Variants in ACAP2 observed in about 807,000 individuals in gnomAD.
ACAP2 encodes ArfGAP with coiled-coil, ankyrin repeat and PH domains 2.
A neutral mutation model predicts 115.8 loss-of-function variants in ACAP2; 39 were observed. That is an observed-to-expected ratio of 0.34 (90% CI 0.26 to 0.44). ACAP2 has a LOEUF of 0.44. Among genes scored for constraint, ACAP2 ranks in the 20% least tolerant of loss-of-function variants. The pLI, the probability that ACAP2 is intolerant of heterozygous loss-of-function variation, is 1.00. For missense variants in ACAP2, 662 were observed against 927.6 expected, an observed-to-expected ratio of 0.71 and a Z score of 3.72; for synonymous variants, 289 against 315.8, an observed-to-expected ratio of 0.92 and a Z score of 0.90.
intron 15 of ACAP2, among the ~76,000 whole-genome samples, chr3:195,298,593 C>T (rs1372412787): frequency 2.6e-5 from 4 of 152,062 alleles, no homozygotes; most frequent in African/African-American, 9.6e-5. Flanking sequence ...CTTTTGAGGT[C>T]CCATTATTTC....
intron 4 of ACAP2, among the ~76,000 whole-genome samples, chr3:195,370,788 TAAAAATACA>T (rs1733076626): frequency 6.6e-6 from 1 of 151,968 alleles, no homozygotes; most frequent in African/African-American, 2.4e-5. Flanking sequence ...TGTCTTATAC[TAAAAATACA>T]AAAAATTAGC....
chr3:195,328,567 G>GA (rs1035891971), intron 8 of ACAP2, among the ~76,000 whole-genome samples: 2 of 152,166 alleles, frequency 1.3e-5, no homozygotes, highest in Non-Finnish European at 2.9e-5. Flanking sequence ...TGGTGCGCTA[G>GA]AAAAATATAC....
At chr3:195,347,013 T>C (rs1242142371) in intron 4 of ACAP2, among the ~76,000 whole-genome samples, 1 of 152,074 alleles carries the variant, frequency 6.6e-6, no homozygotes, top group African/African-American at 2.4e-5. Flanking sequence ...GGGGAGTTGA[T>C]GGAACTGTTG....
intron 1 of ACAP2, among the ~76,000 whole-genome samples, chr3:195,424,735 G>A (rs1714530511): frequency 6.6e-6 from 1 of 151,700 alleles, no homozygotes; most frequent in Admixed American, 6.6e-5. Flanking sequence ...GGGCAACACA[G>A]TGAGATTTCG....
intron 1 of ACAP2, among the ~76,000 whole-genome samples, chr3:195,423,145 T>G (rs551726871): frequency 1.3e-5 from 2 of 152,124 alleles, no homozygotes; most frequent in Admixed American, 1.3e-4. Flanking sequence ...GGTCAAACTT[T>G]CAAATGATTC....
At chr3:195,297,329 T>C in intron 15 of ACAP2, 48 bp from the exon 16 acceptor site, 4 of 1,483,132 alleles carry the variant, frequency 2.7e-6, no homozygotes, top group Non-Finnish European at 3.7e-6. Flanking sequence ...TTAAAGACCT[T>C]AAAATAAGCT....
At chr3:195,424,812 G>C (rs1714537220) in intron 1 of ACAP2, among the ~76,000 whole-genome samples, 1 of 148,294 alleles carries the variant, frequency 6.7e-6, no homozygotes. Flanking sequence ...AGCTATTCAA[G>C]AGGCTGTGGT....
At chr3:195,310,437 C>T (rs1286372368) in intron 10 of ACAP2, among the ~76,000 whole-genome samples, 10 of 152,156 alleles carry the variant, frequency 6.6e-5, no homozygotes, top group African/African-American at 2.4e-4. Flanking sequence ...AATGGTGCAA[C>T]CCTGCCACAT....
At chr3:195,293,428 T>G (rs1392400751) in intron 18 of ACAP2, among the ~76,000 whole-genome samples, 1 of 152,198 alleles carries the variant, frequency 6.6e-6, no homozygotes, top group Non-Finnish European at 1.5e-5. Context: ...GCTGATCTCT[T>G]TCTCCTGATA....
At chr3:195,335,031 C>T (rs918917945) in intron 7 of ACAP2, among the ~76,000 whole-genome samples, 1 of 152,038 alleles carries the variant, frequency 6.6e-6, no homozygotes, top group Non-Finnish European at 1.5e-5. Flanking sequence ...TTTGATAGTC[C>T]ATGAGCTACG....
intron 6 of ACAP2, 47 bp downstream of exon 6, chr3:195,342,424 T>C (rs1444415788): frequency 6.6e-7 from 1 of 1,513,538 alleles, no homozygotes; most frequent in South Asian, 1.3e-5. Context: ...TAACAACCTG[T>C]TTAAGTAAGC....
intron 1 of ACAP2, among the ~76,000 whole-genome samples, chr3:195,401,842 A>G (rs1218776986): frequency 6.6e-6 from 1 of 152,232 alleles, no homozygotes; most frequent in Admixed American, 6.5e-5. Context: ...ACCGTTTTAC[A>G]CAGTATTTCA....
chr3:195,363,622 TACACAC>T (rs546329426), intron 4 of ACAP2, among the ~76,000 whole-genome samples: 5 of 147,056 alleles, frequency 3.4e-5, no homozygotes, highest in Non-Finnish European at 4.5e-5. Context: ...TGAAACCACA[TACACAC>T]ACACACACAC....
intron 22 of ACAP2, among the ~76,000 whole-genome samples, chr3:195,283,954 T>C (rs1287394403): frequency 2.6e-5 from 4 of 152,166 alleles, no homozygotes; most frequent in Admixed American, 6.5e-5. Context: ...AGTTTATGTA[T>C]ATATAAACTC....
At chr3:195,338,779 A>G (rs1354293331) in intron 6 of ACAP2, among the ~76,000 whole-genome samples, 1 of 152,214 alleles carries the variant, frequency 6.6e-6, no homozygotes, top group African/African-American at 2.4e-5. Flanking sequence ...GTTTAAAAAA[A>G]GAATCATTCA....
chr3:195,405,568 C>T (rs1218255770), intron 1 of ACAP2, among the ~76,000 whole-genome samples: 3 of 151,962 alleles, frequency 2.0e-5, no homozygotes, highest in Non-Finnish European at 2.9e-5. Flanking sequence ...CACCTGTAAT[C>T]CCAGCTACTC....
At chr3:195,350,422 G>A (rs1731478684) in intron 4 of ACAP2, among the ~76,000 whole-genome samples, 1 of 152,048 alleles carries the variant, frequency 6.6e-6, no homozygotes, top group South Asian at 2.1e-4. Flanking sequence ...CAGTTTGAGA[G>A]GATCACTTGA....
At chr3:195,387,482 A>G (rs1002801801) in intron 2 of ACAP2, among the ~76,000 whole-genome samples, 3 of 152,228 alleles carry the variant, frequency 2.0e-5, no homozygotes, top group African/African-American at 7.2e-5. Flanking sequence ...TAAGTAAAAC[A>G]TAAGACTTTG....
chr3:195,297,394 G>T, intron 15 of ACAP2, 113 bp from the exon 16 acceptor site: 1 of 766,502 alleles, frequency 1.3e-6, no homozygotes, highest in Non-Finnish European at 2.0e-6. Context: ...TACACATTCT[G>T]CAGATGCTTA....
Sources: allele counts gnomAD v4.1 joint callset (sites outside exome capture counted in the v4.1 genomes callset), GRCh38; gene constraint gnomAD v4.1.1; transcripts MANE v1.5; gene names NCBI Gene and HGNC (gene_info 2026-07-23, HGNC 2026-07-21).